The following ABCE1 variants were observed in gnomAD, a reference collection of about 807,000 sequenced individuals.
The protein encoded by ABCE1 is ATP binding cassette subfamily E member 1, also known as ATP-binding cassette sub-family E member 1.
A neutral mutation model predicts 83.4 loss-of-function variants in ABCE1; 22 were observed. The ratio of observed to expected loss-of-function variants is 0.26; its 90% CI spans 0.19 to 0.38. The LOEUF (loss-of-function observed/expected upper bound fraction) is 0.38. Ranked by LOEUF, ABCE1 falls within the 10% of genes least tolerant of loss-of-function variation. The pLI is 1.00. For missense variants in ABCE1, 330 were observed against 721.9 expected (o/e 0.46, Z 6.22); for synonymous variants, 204 against 233.7 (o/e 0.87, Z 1.16).
intron 17 of ABCE1, among the ~76,000 whole-genome samples, chr4:145,125,460 T>A (rs1749854676): frequency 6.6e-6 from 1 of 152,120 alleles, no homozygotes; most frequent in Non-Finnish European, 1.5e-5. Context: ...AGAGTGAGAC[T>A]CTGTCTAAAA....
chr4:145,109,094 ATC>A (rs1434849373), intron 4 of ABCE1, 36 bp from the exon 5 acceptor site: 1 of 1,419,004 alleles, frequency 7.0e-7, no homozygotes, highest in Non-Finnish European at 9.9e-7. Flanking sequence ...TTCTGTGTAA[ATC>A]TGAGTTGTTT....
chr4:145,129,032 G>A lies in ABCE1; in HGVS notation c.*1459G>A, dbSNP rs1749968672. 6.6e-6 allele frequency: 1 copy of A among 152,136 alleles called. No homozygotes were observed. The highest frequency in any genetic ancestry group is 1.5e-5 in the Non-Finnish European group (1 of 68,004). The allele number at this position is 152,136 out of a possible 1,614,324, so 9.4% of individuals were successfully genotyped here. Reference sequence around the variant, plus strand: ...CTTTTTTCTGTGCACTTACCTAAGTGTGAATATGTAAAGGGTTTGTTTTGT... The same window carrying A: ...CTTTTTTCTGTGCACTTACCTAAGTATGAATATGTAAAGGGTTTGTTTTGT... On this transcript the variant is annotated 3_prime_UTR_variant, in exon 18 of 18. Coordinates refer to ENST00000296577, the MANE Select transcript of ABCE1 (RefSeq NM_002940.3).
chr4:145,109,540 T>A (rs1467904923), intron 5 of ABCE1, among the ~76,000 whole-genome samples: 1 of 152,208 alleles, frequency 6.6e-6, no homozygotes, highest in Non-Finnish European at 1.5e-5. Flanking sequence ...AATAGCTCAA[T>A]TAGTTTTTGT....
intron 3 of ABCE1, 34 bp from the exon 4 acceptor site, chr4:145,107,981 A>T: frequency 6.5e-7 from 1 of 1,539,298 alleles, no homozygotes; most frequent in Non-Finnish European, 8.9e-7. Flanking sequence ...TCTACAAATT[A>T]ATACAAAAAT....
At position 145,109,256 on chromosome 4, in the gene ABCE1, A is replaced by G; in HGVS notation, c.405+7A>G. On this transcript the variant is annotated splice_region_variant and intron_variant, in intron 5 of 17. Coordinates refer to ENST00000296577, the MANE Select transcript of ABCE1 (RefSeq NM_002940.3). ...AAACCTTGGAAAGTACGATGTATGT[A>G]TTATCACCTTGTAAAAATTAATATC... 6.6e-7 allele frequency: 1 copy of G among 1,519,852 alleles called. No individual in the cohort carries two copies. Among genetic ancestry groups the G allele is most frequent in the South Asian group, 1.2e-5 (1 of 81,618 alleles). The allele number at this position is 1,519,852 out of a possible 1,614,324, so 94.1% of individuals were successfully genotyped here.
intron 7 of ABCE1, 61 bp downstream of exon 7, chr4:145,110,505 C>T (rs1653778029): frequency 2.6e-6 from 4 of 1,530,022 alleles, no homozygotes; most frequent in East Asian, 2.3e-5. Flanking sequence ...GACGGAGTTT[C>T]GCTCTTGTTG....
At chr4:145,114,379 T>A (rs555081853) in intron 9 of ABCE1, among the ~76,000 whole-genome samples, 30 of 152,112 alleles carry the variant, frequency 2.0e-4, no homozygotes, top group Non-Finnish European at 2.4e-4. Context: ...AAAAAGTATT[T>A]TTATAGTCCC....
At chr4:145,124,645 C>G (rs544774955) in intron 16 of ABCE1, among the ~76,000 whole-genome samples, 1 of 152,126 alleles carries the variant, frequency 6.6e-6, no homozygotes, top group Admixed American at 6.5e-5. Context: ...GATTCTCATC[C>G]CCCCTAAAAA....
chr4:145,098,594 G>C (rs541572287), intron 1 of ABCE1, 175 bp downstream of exon 1: 14 of 152,414 alleles, frequency 9.2e-5, no homozygotes, highest in African/African-American at 2.9e-4. Context: ...GCGACGCCGA[G>C]AGCTTGGGGG....
chr4:145,124,702 T>A (rs1442397064), intron 16 of ABCE1, among the ~76,000 whole-genome samples: 1 of 152,206 alleles, frequency 6.6e-6, no homozygotes, highest in African/African-American at 2.4e-5. Flanking sequence ...ATCTTCTGTT[T>A]TTCTAAAGTA....
In ABCE1 at chr4:145,110,275, A is replaced by G. The variant is rs35152106; in HGVS notation, c.543+35A>G. ...TGATAGAGGGAACTTAACGGATATT[A>G]GTAGAAGTATAAAAGATATATCAAA... On this transcript the variant is annotated intron_variant, in intron 6 of 17. Coordinates refer to ENST00000296577, the MANE Select transcript of ABCE1 (RefSeq NM_002940.3). 9.4e-4 allele frequency: 1,497 copies of G among 1,598,646 alleles called. 10 individuals carry two copies. The African/African-American group carries it at 0.015, about 16-fold the overall frequency.
chr4:145,123,787 T>C, intron 16 of ABCE1, 187 bp downstream of exon 16: 1 of 446,146 alleles, frequency 2.2e-6, no homozygotes, highest in Admixed American at 3.6e-5. Context: ...GGCTTCAGTG[T>C]GGAATCCCTC....
In ABCE1 at chr4:145,109,174, A is replaced by G. The variant is rs139255095; in HGVS notation, c.330A>G (p.Gly110=). 1 of 1,612,906 alleles carries G rather than the reference A, an allele frequency of 6.2e-7. No homozygotes were observed. The highest frequency in any genetic ancestry group is 1.7e-5 in the Admixed American group (1 of 59,752). The change falls in exon 5 of 18, where the codon GGA becomes GGG. Residue 110 remains glycine (G), a synonymous_variant. Transcript: ENST00000296577. ...CAGGTGAAGTTTTGGGATTAGTTGG[A>G]ACTAATGGTATTGGAAAGTCAACTG... The part of the protein sequence containing the change: ...PRPGEVLGLV[G]TNGIGKSTAL...
At chr4:145,115,904 C>T (rs997966397) in intron 9 of ABCE1, among the ~76,000 whole-genome samples, 4 of 151,854 alleles carry the variant, frequency 2.6e-5, no homozygotes, top group Non-Finnish European at 4.4e-5. Context: ...TTAAGAGTCT[C>T]CCTTAAGATG....
chr4:145,124,380 A>G (rs1181760908), intron 16 of ABCE1, among the ~76,000 whole-genome samples: 3 of 151,892 alleles, frequency 2.0e-5, no homozygotes, highest in African/African-American at 7.3e-5. Context: ...ATTGAGAATT[A>G]CATATTTCTT....
chr4:145,114,442 T>A (rs1490445479), intron 9 of ABCE1, among the ~76,000 whole-genome samples: 1 of 152,040 alleles, frequency 6.6e-6, no homozygotes, highest in Non-Finnish European at 1.5e-5. Context: ...TATAAAACTT[T>A]AAAGATATCA....
In ABCE1 at chr4:145,117,427, A is replaced by G. The variant is rs764322260; in HGVS notation, c.922+13A>G. The G allele has an allele frequency of 5.0e-6, 8 of 1,607,760 alleles. No individual in the cohort carries two copies. Among genetic ancestry groups the G allele is most frequent in the Non-Finnish European group, 5.9e-6 (7 of 1,176,706 alleles). On this transcript the variant is annotated intron_variant, in intron 10 of 17. Transcript: ENST00000296577. ...AGTGTAAGAGAAGGTAACTTGAAAA[A>G]CTTTTTTCACATATGCTGTATTCTC...
In ABCE1 at chr4:145,119,924, C is replaced by T. The variant is rs776971264; in HGVS notation, c.923-8C>T. ...ATTTCTCCCGGTTGACAATTTTCTT[C>T]CCAACAGGCATAAACATTTTTTTGG... On this transcript the variant is annotated splice_region_variant and splice_polypyrimidine_tract_variant and intron_variant, in intron 10 of 17. Transcript: ENST00000296577. 35 of 1,605,454 alleles carry T rather than the reference C, an allele frequency of 2.2e-5. No homozygotes were observed. Among genetic ancestry groups the T allele is most frequent in the African/African-American group, 2.7e-5 (2 of 74,556 alleles).
At chr4:145,110,336 T>G (rs757381481) in intron 6 of ABCE1, 39 bp from the exon 7 acceptor site, 2 of 1,601,816 alleles carry the variant, frequency 1.2e-6, no homozygotes, top group Admixed American at 1.7e-5. Context: ...TTTTTAATAT[T>G]GAAAGAAAAT....
Sources: allele counts gnomAD v4.1 joint callset (sites outside exome capture counted in the v4.1 genomes callset), GRCh38; gene constraint gnomAD v4.1.1; transcripts MANE v1.5; gene names NCBI Gene and HGNC (gene_info 2026-07-23, HGNC 2026-07-21).